The following DLL1 variants were observed in gnomAD, a reference collection of about 807,000 sequenced individuals.
DLL1 encodes the protein delta-like protein 1.
A neutral mutation model predicts 75.1 loss-of-function variants in DLL1; 9 were observed. That is an observed-to-expected ratio of 0.12 (90% CI 0.07 to 0.21). The LOEUF (loss-of-function observed/expected upper bound fraction) is 0.21, where lower values mean the gene tolerates loss of function less well. Among genes scored for constraint, DLL1 ranks in the 10% least tolerant of loss-of-function variants. DLL1 has a pLI of 1.00. For synonymous variants in DLL1, 477 were observed against 418.3 expected, an observed-to-expected ratio of 1.14 and a Z score of -1.71; for missense variants, 837 against 1,007.6, an observed-to-expected ratio of 0.83 and a Z score of 2.29.
Position 170,282,858 on chromosome 6 carries a change from C to CCA in DLL1, c.*14_*15dup, listed in dbSNP as rs1414209920. 4 of 1,614,044 alleles carry CCA rather than the reference C, an allele frequency of 2.5e-6. No individual in the cohort carries two copies. The African/African-American group carries it at 5.3e-5, about 22-fold the overall frequency. On this transcript the variant is annotated 3_prime_UTR_variant, in exon 11 of 11. Coordinates refer to ENST00000366756, the MANE Select transcript of DLL1 (RefSeq NM_005618.4). ...TATTTTAAGAGAAACGGGAGTCTTG[C>CCA]CATCTCACTTCCATTTTACACCTGG... is the stretch of plus-strand genomic sequence containing the variant.
Position 170,290,165 on chromosome 6 carries a change from G to C in DLL1, c.-26C>G, listed in dbSNP as rs1244201903. On this transcript the variant is annotated 5_prime_UTR_variant, in exon 1 of 11. Coordinates refer to ENST00000366756, the MANE Select transcript of DLL1 (RefSeq NM_005618.4). This position sits in a 1 kb window ranked among gnomAD's most constrained non-coding sequence, Gnocchi z 4.7. Reference sequence around the variant, plus strand: ...GCTGCTTCGCTCCACGCGCGAGCCTGGGGGGCCCCCACTTCTCTCCTTAGA... The same window carrying C: ...GCTGCTTCGCTCCACGCGCGAGCCTCGGGGGCCCCCACTTCTCTCCTTAGA... The C allele has an allele frequency of 1.3e-6, 2 of 1,586,810 alleles. No homozygotes were observed. The highest frequency in any genetic ancestry group is 1.4e-5 in the African/African-American group (1 of 73,938).
chr6:170,288,832 A>G (rs1463352073), intron 2 of DLL1, 43 bp from the exon 3 acceptor site: 3 of 1,611,156 alleles, frequency 1.9e-6, no homozygotes, highest in Non-Finnish European at 1.7e-6. Context: ...CAGAAAGGTA[A>G]CGAAAAGAAA....
At chr6:170,289,420 C>A (rs770979336) in intron 2 of DLL1, 92 bp downstream of exon 2, 13 of 1,506,696 alleles carry the variant, frequency 8.6e-6, no homozygotes, top group Admixed American at 6.1e-5. Flanking sequence ...TCCCCGAGGT[C>A]CCGCCACCGA....
At chr6:170,286,464 C>CT (rs1021270721) in intron 4 of DLL1, among the ~76,000 whole-genome samples, 166 bp from the exon 5 acceptor site, 13 of 152,178 alleles carry the variant, frequency 8.5e-5, no homozygotes, top group Admixed American at 5.2e-4. Context: ...TAGCCTGGGA[C>CT]TTGACTCAGC....
rs1373663419 is a variant in DLL1, at chr6:170,290,900, G to A, written c.-761C>T. 1 of 692,364 alleles carries A rather than the reference G, an allele frequency of 1.4e-6. No individual in the cohort carries two copies. Among genetic ancestry groups the A allele is most frequent in the Non-Finnish European group, 2.6e-6 (1 of 379,754 alleles). 42.9% of individuals were successfully genotyped at this position (692,364 alleles called of 1,614,324 possible). The stretch of plus-strand genomic sequence containing the variant: ...CCTGCGCTCTGCCCTCGGCCGGGTC[G>A]GGTCTCCGCGGGTGCGCGCAGAGGA... On this transcript the variant is annotated 5_prime_UTR_variant, in exon 1 of 11. Transcript: ENST00000366756. The surrounding 1 kb of genome is among the most constrained non-coding windows in gnomAD (Gnocchi z 4.7).
In DLL1 at chr6:170,283,090, T is replaced by C. The variant is rs779960142; in HGVS notation, c.2064A>G (p.Glu688=). The C allele has an allele frequency of 6.2e-7, 1 of 1,614,094 alleles. No homozygotes were observed. Among genetic ancestry groups the C allele is most frequent in the South Asian group, 1.1e-5 (1 of 91,086 alleles). Residue 688 remains glutamate (E), a synonymous_variant, in exon 10 of 11, where the codon GAA becomes GAG. Transcript: ENST00000366756. ...PTTLRGGEAS[E]RKRPDSGCST... ...AACAGCCCGAGTCCGGCCTTTTTCTTTCAGATGCTTCTCCACTAAAAGGAA... is the reference window on the plus strand; with the variant it reads ...AACAGCCCGAGTCCGGCCTTTTTCTCTCAGATGCTTCTCCACTAAAAGGAA...
At chr6:170,289,876 TG>T (rs1027438133) in intron 1 of DLL1, 68 bp from the exon 2 acceptor site, 19 of 1,488,760 alleles carry the variant, frequency 1.3e-5, no homozygotes, top group Non-Finnish European at 1.6e-5. Context: ...GAGGCCTGGG[TG>T]GGGGGTGTGC....
intron 4 of DLL1, among the ~76,000 whole-genome samples, chr6:170,286,698 G>A (rs1357750337): frequency 6.6e-6 from 1 of 152,108 alleles, no homozygotes; most frequent in African/African-American, 2.4e-5. Context: ...GCCAGGGCAG[G>A]ACAGCTGCTC....
At position 170,286,264 on chromosome 6, in the gene DLL1, T is replaced by G. The variant is rs1783692059; in HGVS notation, c.705A>C (p.Gly235=). Residue 235 remains glycine, a synonymous_variant, in exon 5 of 11, where the codon GGA becomes GGC. Coordinates refer to ENST00000366756, the MANE Select transcript of DLL1 (RefSeq NM_005618.4). Reference sequence around the variant, plus strand: ...TGCATTCCCCTGGTTTGTCACAAAATCCATGCTGCTCATCACATCCAGGCA... The same window carrying G: ...TGCATTCCCCTGGTTTGTCACAAAAGCCATGCTGCTCATCACATCCAGGCA... The part of the protein sequence containing the change: ...ICLPGCDEQH[G]FCDKPGECKC... 6.2e-7 allele frequency: 1 copy of G among 1,614,038 alleles called. No homozygotes were observed. The highest frequency in any genetic ancestry group is 1.3e-5 in the African/African-American group (1 of 74,900).
At chr6:170,286,545 C>G (rs1783697696) in intron 4 of DLL1, among the ~76,000 whole-genome samples, 1 of 151,698 alleles carries the variant, frequency 6.6e-6, no homozygotes, top group Non-Finnish European at 1.5e-5. Context: ...CCCACCCCCA[C>G]CCTATCCCCT....
At position 170,283,503 on chromosome 6, in the gene DLL1, G is replaced by A. The variant is rs765875685; in HGVS notation, c.1776C>T (p.Asn592=). 6.2e-7 allele frequency: 1 copy of A among 1,613,654 alleles called. No individual in the cohort carries two copies. Among genetic ancestry groups the A allele is most frequent in the Non-Finnish European group, 8.5e-7 (1 of 1,180,016 alleles). Residue 592 remains asparagine, a synonymous_variant, in exon 9 of 11, where the codon AAC becomes AAT. Coordinates refer to ENST00000366756, the MANE Select transcript of DLL1 (RefSeq NM_005618.4). ...PCRGETETMN[N]LANCQREKDI... ...CCTTCTCACGCTGGCAGTTGGCCAG[G>A]TTGTTCATGGTCTCCGTCTCCCCCC...
chr6:170,289,463 G>A, intron 2 of DLL1, 49 bp downstream of exon 2: 1 of 1,524,492 alleles, frequency 6.6e-7, no homozygotes, highest in Non-Finnish European at 8.8e-7. Context: ...GCGTCCTGCA[G>A]CCCGCCCAGC....
rs1388523989 is a variant in DLL1 at position 170,290,183 on chromosome 6, T to C, written c.-44A>G. ...CGAGCCTGGGGGGCCCCCACTTCTC[T>C]CCTTAGAACAGCGGCGGACGCGCGG... On this transcript the variant is annotated 5_prime_UTR_variant, in exon 1 of 11. Transcript: ENST00000366756. The surrounding 1 kb of genome is among the most constrained non-coding windows in gnomAD (Gnocchi z 4.7). 1.9e-6 allele frequency: 3 copies of C among 1,579,134 alleles called. No homozygotes were observed. Among genetic ancestry groups the C allele is most frequent in the Admixed American group, 3.5e-5 (2 of 57,936 alleles).
At chr6:170,285,548 C>T in intron 6 of DLL1, 21 bp downstream of exon 6, 1 of 1,614,186 alleles carries the variant, frequency 6.2e-7, no homozygotes, top group South Asian at 1.1e-5. Context: ...GAGCAGGCTG[C>T]CTCAGGGAGA....
At chr6:170,286,743 A>T (rs1419956985) in intron 4 of DLL1, among the ~76,000 whole-genome samples, 3 of 151,990 alleles carry the variant, frequency 2.0e-5, no homozygotes, top group Non-Finnish European at 4.4e-5. Flanking sequence ...GCCCCAGCGC[A>T]ACAATGCCGG....
intron 5 of DLL1, 137 bp from the exon 6 acceptor site, chr6:170,285,836 T>C: frequency 7.6e-7 from 1 of 1,313,990 alleles, no homozygotes; most frequent in Non-Finnish European, 1.1e-6. Context: ...TGGGTCACCT[T>C]GGGAGCTGCA....
At chr6:170,284,875 A>G in intron 8 of DLL1, 44 bp downstream of exon 8, 2 of 1,594,668 alleles carry the variant, frequency 1.3e-6, no homozygotes, top group Non-Finnish European at 1.7e-6. Context: ...CTCAGTATTG[A>G]CCGCTCGCCC....
intron 1 of DLL1, 130 bp from the exon 2 acceptor site, chr6:170,289,938 G>T: frequency 7.6e-7 from 1 of 1,311,906 alleles, no homozygotes; most frequent in East Asian, 3.0e-5. Flanking sequence ...CACGGCCGGC[G>T]CTGGGGTCGT....
intron 9 of DLL1, 47 bp downstream of exon 9, chr6:170,283,184 G>A (rs770466226): frequency 6.2e-6 from 10 of 1,613,390 alleles, no homozygotes; most frequent in Non-Finnish European, 8.5e-6. Flanking sequence ...GTTCCAGGAA[G>A]ACACCCCCCA....
Sources: allele counts gnomAD v4.1 joint callset (sites outside exome capture counted in the v4.1 genomes callset), GRCh38; gene constraint gnomAD v4.1.1; non-coding constraint Gnocchi (gnomAD v3.1); transcripts MANE v1.5; gene names NCBI Gene and HGNC (gene_info 2026-07-23, HGNC 2026-07-21).